Variants in EGFLAM observed in about 807,000 individuals in gnomAD.
The protein encoded by EGFLAM is EGF like, fibronectin type III and laminin G domains.
EGFLAM carries 79 observed loss-of-function variants against 113.1 expected under a neutral mutation model. That is an observed-to-expected ratio of 0.70 (90% CI 0.58 to 0.84). The LOEUF is 0.84. EGFLAM is among the 40% of genes least tolerant of loss of function. The probability of loss-of-function intolerance (pLI) is 0.00; values close to 1 mark genes in which losing one functional copy is unlikely to be tolerated. For missense variants in EGFLAM, 1,265 were observed against 1,291.6 expected, an observed-to-expected ratio of 0.98 and a Z score of 0.32; for synonymous variants, 504 against 487.6, an observed-to-expected ratio of 1.03 and a Z score of -0.44.
intron 3 of EGFLAM, among the ~76,000 whole-genome samples, chr5:38,340,807 C>G (rs1561284991): frequency 7.5e-6 from 1 of 133,602 alleles, no homozygotes; most frequent in Admixed American, 9.8e-5. Context: ...CTCTCTCTCT[C>G]TCAATCTCTG....
At chr5:38,290,014 G>A (rs2111787731) in intron 1 of EGFLAM, among the ~76,000 whole-genome samples, 1 of 152,344 alleles carries the variant, frequency 6.6e-6, no homozygotes. Flanking sequence ...AGTTATTCAG[G>A]TGGACATTAT....
intron 3 of EGFLAM, among the ~76,000 whole-genome samples, chr5:38,344,114 G>A (rs576734985): frequency 1.3e-4 from 20 of 152,358 alleles, no homozygotes; most frequent in African/African-American, 4.8e-4. Flanking sequence ...TAAAGGCAAG[G>A]TCTGAAATCA....
chr5:38,332,244 T>C (rs905821137), intron 1 of EGFLAM, among the ~76,000 whole-genome samples: 3 of 152,218 alleles, frequency 2.0e-5, no homozygotes, highest in African/African-American at 7.2e-5. Context: ...GAGATGTCTG[T>C]TAAGGTCTTG....
At position 38,464,110 on chromosome 5, in the gene EGFLAM, A is replaced by G. The variant is rs922739471; in HGVS notation, c.*124A>G. 36 of 1,285,082 alleles carry G rather than the reference A, an allele frequency of 2.8e-5. No individual in the cohort carries two copies. Among genetic ancestry groups the G allele is most frequent in the Non-Finnish European group, 3.8e-5 (36 of 943,412 alleles). 79.6% of individuals were successfully genotyped at this position (1,285,082 alleles called of 1,614,324 possible). On this transcript the variant is annotated 3_prime_UTR_variant, in exon 22 of 22. Transcript: ENST00000322350. ...GGTGTGTTTCCTCTCACCAAGAAGA[A>G]AGTACACACTGATGAGAAACTGAGA...
chr5:38,392,929 G>T (rs974633874), intron 6 of EGFLAM, among the ~76,000 whole-genome samples: 5 of 151,942 alleles, frequency 3.3e-5, no homozygotes, highest in African/African-American at 1.2e-4. Flanking sequence ...TTGTATTTTA[G>T]TAGAGACCAT....
intron 6 of EGFLAM, among the ~76,000 whole-genome samples, chr5:38,388,610 A>G (rs1199155122): frequency 7.9e-5 from 12 of 151,824 alleles, no homozygotes; most frequent in African/African-American, 2.9e-4. Flanking sequence ...GTATATATAA[A>G]TTAGCCCGGC....
chr5:38,388,547 C>A (rs1392225928), intron 6 of EGFLAM, among the ~76,000 whole-genome samples: 1 of 151,894 alleles, frequency 6.6e-6, no homozygotes, highest in Non-Finnish European at 1.5e-5. Flanking sequence ...GGTTTGAGAC[C>A]AGCCTGGCCA....
At chr5:38,355,382 AGCACAGCAT>A (rs1187478637) in intron 5 of EGFLAM, among the ~76,000 whole-genome samples, 1 of 152,124 alleles carries the variant, frequency 6.6e-6, no homozygotes, top group African/African-American at 2.4e-5. Flanking sequence ...AAGTGACAGG[AGCACAGCAT>A]GTGTCTGAGG....
intron 6 of EGFLAM, chr5:38,403,883 T>A: frequency 6.2e-7 from 1 of 1,613,936 alleles, no homozygotes; most frequent in Non-Finnish European, 8.5e-7. Flanking sequence ...TGAGAGAACA[T>A]GCATCCAGGT....
chr5:38,333,618 G>A (rs966935433), intron 1 of EGFLAM, among the ~76,000 whole-genome samples: 5 of 151,972 alleles, frequency 3.3e-5, no homozygotes, highest in Non-Finnish European at 4.4e-5. Flanking sequence ...ATGTGTGTTC[G>A]TGTCCTTTGC....
intron 11 of EGFLAM, 151 bp downstream of exon 11, chr5:38,412,799 A>C: frequency 8.0e-7 from 1 of 1,257,060 alleles, no homozygotes; most frequent in Non-Finnish European, 1.1e-6. Flanking sequence ...GAACCCATGC[A>C]ACAGACCTTT....
At chr5:38,325,596 TC>T (rs1937095342) in intron 1 of EGFLAM, among the ~76,000 whole-genome samples, 2 of 152,250 alleles carry the variant, frequency 1.3e-5, no homozygotes, top group South Asian at 4.1e-4. Flanking sequence ...CCTCCCTCTC[TC>T]TGTCCTCTCA....
At chr5:38,283,473 T>C (rs62352429) in intron 1 of EGFLAM, among the ~76,000 whole-genome samples, 25,903 of 152,158 alleles carry the variant, frequency 0.17, 2,473 homozygotes, top group Middle Eastern at 0.29. Context: ...AATTAACATT[T>C]ATATAGTGCC....
rs370563949 is a variant in EGFLAM at position 38,462,904 on chromosome 5, G to A, written c.2772-4G>A. ...TTGTTCTTTTTTGTTTTGGTGTTTT[G>A]CAGGGATGGCCAGTCAGGAAAGATA... is the stretch of plus-strand genomic sequence containing the variant. On this transcript the variant is annotated splice_polypyrimidine_tract_variant and splice_region_variant and intron_variant, in intron 20 of 21. Coordinates refer to ENST00000322350, the MANE Select transcript of EGFLAM (RefSeq NM_152403.4). 5 of 1,613,876 alleles carry A rather than the reference G, an allele frequency of 3.1e-6. No homozygotes were observed. The highest frequency in any genetic ancestry group is 4.2e-6 in the Non-Finnish European group (5 of 1,179,958).
At chr5:38,412,764 C>T in intron 11 of EGFLAM, 116 bp downstream of exon 11, 1 of 1,419,860 alleles carries the variant, frequency 7.0e-7, no homozygotes, top group Non-Finnish European at 9.3e-7. Flanking sequence ...TCTGGATGGG[C>T]TTGGTAAGGC....
At chr5:38,373,404 C>T (rs954528556) in intron 6 of EGFLAM, among the ~76,000 whole-genome samples, 1 of 152,172 alleles carries the variant, frequency 6.6e-6, no homozygotes, top group Admixed American at 6.5e-5. Context: ...GCCCCCACCT[C>T]CCTCCCAACC....
chr5:38,300,643 G>A (rs1218615674), intron 1 of EGFLAM, among the ~76,000 whole-genome samples: 1 of 152,120 alleles, frequency 6.6e-6, no homozygotes, highest in Non-Finnish European at 1.5e-5. Context: ...CCAAAATGCT[G>A]GGATTACAGG....
chr5:38,340,815 C>CTG (rs1171876090), intron 3 of EGFLAM, among the ~76,000 whole-genome samples: 10 of 126,664 alleles, frequency 7.9e-5, no homozygotes, highest in Admixed American at 3.4e-4. Context: ...CTCTCAATCT[C>CTG]TGTGTGTGTG....
chr5:38,432,255 G>T (rs1175237645), intron 15 of EGFLAM, among the ~76,000 whole-genome samples: 1 of 152,086 alleles, frequency 6.6e-6, no homozygotes, highest in Non-Finnish European at 1.5e-5. Context: ...GTAGAAAAAA[G>T]AAAAGGAAAG....
Sources: allele counts gnomAD v4.1 joint callset (sites outside exome capture counted in the v4.1 genomes callset), GRCh38; gene constraint gnomAD v4.1.1; transcripts MANE v1.5; gene names NCBI Gene and HGNC (gene_info 2026-07-23, HGNC 2026-07-21).